Variants in ST18 observed in about 807,000 individuals in gnomAD.
The protein encoded by ST18 is suppression of tumorigenicity 18 protein.
Under a neutral mutation model 110.0 loss-of-function variants are expected in ST18, and 50 were observed. That is an observed-to-expected ratio of 0.45 (90% CI 0.36 to 0.58). The LOEUF is 0.58. Among genes scored for constraint, ST18 ranks in the 20% least tolerant of loss-of-function variants. ST18 has a pLI of 0.00. For missense variants in ST18, 1,306 were observed against 1,280.1 expected (o/e 1.02, Z -0.31); for synonymous variants, 461 against 452.4 (o/e 1.02, Z -0.24).
intron 2 of ST18, among the ~76,000 whole-genome samples, chr8:52,250,359 C>A (rs2094192940): frequency 6.8e-6 from 1 of 146,690 alleles, no homozygotes; most frequent in Non-Finnish European, 1.5e-5. Flanking sequence ...TCTCTGTTTA[C>A]CAACCGCTAG....
Position 52,113,954 on chromosome 8 carries a change from G to GTTTTTTTTTTTT in ST18, c.3004-628_3004-617dup, listed in dbSNP as rs1158213340. On this transcript the variant is annotated intron_variant, in intron 25 of 25. Transcript: ENST00000689386. ...CAAAGTTTAAATTTATTCATACCGTGTTTTTTTTTTTTTTTTTTTTTTTTT... is the reference window on the plus strand; with the variant it reads ...CAAAGTTTAAATTTATTCATACCGTGTTTTTTTTTTTTTTTTTTTTTTTTTTTTTTTTTTTTT... 4.4e-3 allele frequency among the ~76,000 whole-genome samples: 198 copies of GTTTTTTTTTTTT among 45,442 alleles called. 65 individuals carry two copies. Among genetic ancestry groups the GTTTTTTTTTTTT allele is most frequent in the Admixed American group, 6.2e-3 (13 of 2,100 alleles). The allele number at this position is 45,442 out of a possible 152,430, so 29.8% of individuals were successfully genotyped here.
intron 2 of ST18, among the ~76,000 whole-genome samples, chr8:52,382,197 C>G (rs1027293193): frequency 3.3e-5 from 5 of 152,044 alleles, no homozygotes; most frequent in Admixed American, 2.0e-4. Context: ...TTACCAGGAC[C>G]GTGTGATGTC....
At chr8:52,185,093 A>G (rs1483461503) in intron 8 of ST18, among the ~76,000 whole-genome samples, 2 of 152,180 alleles carry the variant, frequency 1.3e-5, no homozygotes, top group Non-Finnish European at 2.9e-5. Flanking sequence ...ATTTAAAAAC[A>G]AGTAAATTTA....
At position 52,180,139 on chromosome 8, in the gene ST18, T is replaced by C. The variant is rs372694519; in HGVS notation, c.260A>G (p.His87Arg). ...CTTGCTACCTGCGGTAGAGTGACCA[T>C]GTGTTTCCAAGGGGCCATCGTCCTC... Reference protein sequence around the residue: ...RTEDDGPLETHGHSTAEEIMI... With the variant: ...RTEDDGPLETRGHSTAEEIMI... Residue 87 changes from histidine (H) to arginine (R), a missense_variant, in exon 9 of 26, where the codon CAT (histidine) becomes CGT (arginine). Coordinates refer to ENST00000689386, the MANE Select transcript of ST18 (RefSeq NM_001352837.2). The C allele has an allele frequency of 1.2e-6, 2 of 1,614,126 alleles. No individual in the cohort carries two copies. Among genetic ancestry groups the C allele is most frequent in the Non-Finnish European group, 1.7e-6 (2 of 1,180,016 alleles).
chr8:52,145,253 T>C (rs1304720704), intron 16 of ST18, among the ~76,000 whole-genome samples: 5 of 152,144 alleles, frequency 3.3e-5, no homozygotes, highest in Non-Finnish European at 1.5e-5. Flanking sequence ...TAATCAATTA[T>C]GAAAGTTTAA....
chr8:52,282,589 CT>C (rs1367608395), intron 2 of ST18, among the ~76,000 whole-genome samples: 2 of 152,132 alleles, frequency 1.3e-5, no homozygotes, highest in Non-Finnish European at 2.9e-5. Flanking sequence ...CCTGGCACCC[CT>C]GGTCTGCCTT....
At chr8:52,127,680 T>C (rs1324298708) in intron 22 of ST18, among the ~76,000 whole-genome samples, 9 of 152,148 alleles carry the variant, frequency 5.9e-5, no homozygotes, top group Admixed American at 5.9e-4. Flanking sequence ...GAAGCGTCCA[T>C]CCATAATTAC....
Position 52,214,235 on chromosome 8 carries a change from T to A in ST18, c.23A>T (p.Lys8Ile), listed in dbSNP as rs1473162920. The change falls in exon 7 of 26, where the codon AAA (lysine) becomes ATA (isoleucine). Residue 8 changes from lysine to isoleucine, a missense_variant. Physicochemically the swap from Lys to Ile is moderately radical, Grantham distance 102. Coordinates refer to ENST00000689386, the MANE Select transcript of ST18 (RefSeq NM_001352837.2). Reference sequence around the variant, plus strand: ...TCCTTTAGAGCGAGTACGCAGCGTTTTATCTTCAGCCTCTGCATCCATCTA... The same window carrying A: ...TCCTTTAGAGCGAGTACGCAGCGTTATATCTTCAGCCTCTGCATCCATCTA... MDAEAED[K>I]TLRTRSKGTE... 6.2e-7 allele frequency: 1 copy of A among 1,613,976 alleles called. No homozygotes were observed. Among genetic ancestry groups the A allele is most frequent in the African/African-American group, 1.3e-5 (1 of 74,922 alleles).
At chr8:52,290,886 C>G (rs950262841) in intron 2 of ST18, among the ~76,000 whole-genome samples, 7 of 152,190 alleles carry the variant, frequency 4.6e-5, no homozygotes, top group African/African-American at 1.7e-4. Flanking sequence ...TCTCTTCTCG[C>G]CTTAGGGCTT....
chr8:52,228,007 T>C (rs2090065703), intron 3 of ST18, among the ~76,000 whole-genome samples: 1 of 152,252 alleles, frequency 6.6e-6, no homozygotes, highest in Non-Finnish European at 1.5e-5. Flanking sequence ...ATGCTTGAGA[T>C]AATTGTTAAT....
chr8:52,373,535 C>T (rs536828284), intron 2 of ST18, among the ~76,000 whole-genome samples: 4 of 152,034 alleles, frequency 2.6e-5, no homozygotes, highest in Admixed American at 6.6e-5. Flanking sequence ...TTCCCAGACT[C>T]GAAGCCAGCA....
At position 52,277,820 on chromosome 8, in the gene ST18, T is replaced by C. The variant is rs565070215; in HGVS notation, c.-464-47743A>G. Among the ~76,000 whole-genome samples, 4 of 152,298 alleles carry C rather than the reference T, an allele frequency of 2.6e-5. No homozygotes were observed. In the South Asian group the frequency reaches 6.2e-4, roughly 24 times the overall value. ...TGTTGCTGAGATGAATATATTTTCA[T>C]ATGAAGAAAAAGTGATCCTTTGAGA... On this transcript the variant is annotated intron_variant, in intron 2 of 25. Coordinates refer to ENST00000689386, the MANE Select transcript of ST18 (RefSeq NM_001352837.2).
At chr8:52,347,242 T>G (rs900971472) in intron 2 of ST18, among the ~76,000 whole-genome samples, 2 of 152,156 alleles carry the variant, frequency 1.3e-5, no homozygotes, top group African/African-American at 4.8e-5. Context: ...TATGATGACA[T>G]AAAATATAAA....
chr8:52,263,629 G>C (rs1407442250), intron 2 of ST18, among the ~76,000 whole-genome samples: 2 of 141,424 alleles, frequency 1.4e-5, no homozygotes, highest in Non-Finnish European at 3.1e-5. Context: ...TTTTTTAGTA[G>C]AGATGGGGTT....
At chr8:52,256,672 A>G (rs62499798) in intron 2 of ST18, among the ~76,000 whole-genome samples, 31,899 of 152,098 alleles carry the variant, frequency 0.21, 3,533 homozygotes, top group Middle Eastern at 0.3. Context: ...GTGTGGTGAC[A>G]ACATGGATTT....
intron 8 of ST18, among the ~76,000 whole-genome samples, chr8:52,193,229 G>C (rs2075154199): frequency 1.3e-5 from 2 of 152,178 alleles, no homozygotes; most frequent in Admixed American, 1.3e-4. Flanking sequence ...AAGTATAAAA[G>C]GATTCAAGCT....
chr8:52,326,809 A>G lies in ST18; in HGVS notation c.-465+82519T>C, dbSNP rs571840384. Among the ~76,000 whole-genome samples the G allele has an allele frequency of 4.6e-5, 7 of 152,320 alleles. No homozygotes were observed. In the South Asian group the frequency reaches 1.4e-3, roughly 32 times the overall value. On this transcript the variant is annotated intron_variant, in intron 2 of 25. Transcript: ENST00000689386. Reference sequence around the variant, plus strand: ...CTGGAAATTTGAGGACAGTGATTTAACGCCTGAGATGGTGACTGCCAAGAA... The same window carrying G: ...CTGGAAATTTGAGGACAGTGATTTAGCGCCTGAGATGGTGACTGCCAAGAA...
intron 8 of ST18, among the ~76,000 whole-genome samples, chr8:52,186,758 A>T (rs73679160): frequency 0.042 from 6,402 of 152,296 alleles, 455 homozygotes; most frequent in African/African-American, 0.14. Flanking sequence ...AACACGGATG[A>T]ATCCGATACA....
chr8:52,286,432 A>G (rs867767138), intron 2 of ST18, among the ~76,000 whole-genome samples: 1 of 152,194 alleles, frequency 6.6e-6, no homozygotes, highest in South Asian at 2.1e-4. Flanking sequence ...CCCAAATTCC[A>G]TAACTGTCCT....
Sources: allele counts gnomAD v4.1 joint callset (sites outside exome capture counted in the v4.1 genomes callset), GRCh38; gene constraint gnomAD v4.1.1; transcripts MANE v1.5; gene names NCBI Gene and HGNC (gene_info 2026-07-23, HGNC 2026-07-21).